PLD1: variants seen among roughly 807,000 people sequenced by gnomAD.
PLD1 encodes the protein choline phosphatase 1.
In PLD1, 112 loss-of-function variants were observed where a neutral mutation model predicts 137.1. That is an observed-to-expected ratio of 0.82 (90% confidence interval 0.70 to 0.96). The LOEUF is 0.96. Among genes scored for constraint, PLD1 ranks in the 40% least tolerant of loss-of-function variants. The pLI is 0.00. For missense variants in PLD1, 1,321 were observed against 1,342.0 expected (o/e 0.98, Z 0.24); for synonymous variants, 431 against 454.7 (o/e 0.95, Z 0.66).
At chr3:171,737,700 A>C in intron 2 of PLD1, 41 bp from the exon 3 acceptor site, 1 of 1,412,024 alleles carries the variant, frequency 7.1e-7, no homozygotes, top group South Asian at 1.3e-5. Context: ...ATATATGATT[A>C]GCATAACTTG....
intron 1 of PLD1, among the ~76,000 whole-genome samples, chr3:171,738,964 C>T (rs565622977): frequency 3.2e-4 from 48 of 152,268 alleles, no homozygotes; most frequent in Non-Finnish European, 5.9e-4. Context: ...AATGGAAGGA[C>T]GCTCATACCA....
At chr3:171,744,191 G>A (rs1719973745) in intron 1 of PLD1, among the ~76,000 whole-genome samples, 1 of 152,190 alleles carries the variant, frequency 6.6e-6, no homozygotes. Context: ...GAGGAGTACT[G>A]TCATCATTCC....
chr3:171,730,938 C>T (rs1718896138), intron 6 of PLD1, among the ~76,000 whole-genome samples: 1 of 152,144 alleles, frequency 6.6e-6, no homozygotes, highest in East Asian at 1.9e-4. Flanking sequence ...TGCGCCCAGC[C>T]CTGTCTCCAC....
intron 16 of PLD1, among the ~76,000 whole-genome samples, chr3:171,678,390 T>C (rs1713604583): frequency 6.6e-6 from 1 of 152,194 alleles, no homozygotes; most frequent in South Asian, 2.1e-4. Context: ...ATAAAAAATA[T>C]GGTAACAACA....
At chr3:171,625,602 C>G (rs1262998148) in intron 23 of PLD1, among the ~76,000 whole-genome samples, 4 of 152,220 alleles carry the variant, frequency 2.6e-5, no homozygotes, top group Admixed American at 6.5e-5. Flanking sequence ...AGGCACCCCC[C>G]CGTAGGTGCA....
At chr3:171,757,398 T>C (rs904295843) in intron 1 of PLD1, among the ~76,000 whole-genome samples, 2 of 152,148 alleles carry the variant, frequency 1.3e-5, no homozygotes, top group African/African-American at 4.8e-5. Flanking sequence ...ATTTCCTTTT[T>C]AAGACAGGGT....
intron 12 of PLD1, among the ~76,000 whole-genome samples, chr3:171,699,198 C>T (rs755075368): frequency 2.0e-5 from 3 of 152,142 alleles, no homozygotes; most frequent in East Asian, 1.9e-4. Context: ...AAAAAGCACA[C>T]ATTCAATGTT....
intron 6 of PLD1, among the ~76,000 whole-genome samples, chr3:171,731,653 T>A (rs898363960): frequency 6.6e-6 from 1 of 151,994 alleles, no homozygotes; most frequent in Non-Finnish European, 1.5e-5. Context: ...CCACCTGTAG[T>A]CCCAGCTACT....
At chr3:171,666,587 C>T (rs144227285) in intron 19 of PLD1, among the ~76,000 whole-genome samples, 79 of 152,304 alleles carry the variant, frequency 5.2e-4, no homozygotes, top group African/African-American at 1.9e-3. Flanking sequence ...TTTTCCATTG[C>T]CACTGAGATT....
chr3:171,624,441 AT>A lies in PLD1; in HGVS notation c.2594-3922del, dbSNP rs1408062972. The stretch of plus-strand genomic sequence containing the variant: ...GTGATGAAAATGCAAATTCATACAA[AT>A]TTTTTGAAGGGTCATTTAGCAATAT... On this transcript the variant is annotated intron_variant, in intron 23 of 26. Coordinates refer to ENST00000351298, the MANE Select transcript of PLD1 (RefSeq NM_002662.5). Among the ~76,000 whole-genome samples, 4 of 152,268 alleles carry A rather than the reference AT, an allele frequency of 2.6e-5. No individual in the cohort carries two copies. In the East Asian group the frequency reaches 7.7e-4, roughly 29 times the overall value.
chr3:171,680,908 T>A lies in PLD1; in HGVS notation c.1868-3214A>T, dbSNP rs149963146. ...TCTTGAACTCACTGACACAACCTTGTCAGACTCCCTGTGTCTCTACTATAA... is the reference window on the plus strand; with the variant it reads ...TCTTGAACTCACTGACACAACCTTGACAGACTCCCTGTGTCTCTACTATAA... On this transcript the variant is annotated intron_variant, in intron 16 of 26. Coordinates refer to ENST00000351298, the MANE Select transcript of PLD1 (RefSeq NM_002662.5). Among the ~76,000 whole-genome samples the A allele has an allele frequency of 1.6e-3, 240 of 152,352 alleles. 1 individual carries two copies. Among genetic ancestry groups the A allele is most frequent in the Non-Finnish European group, 2.3e-3 (159 of 68,030 alleles).
intron 1 of PLD1, among the ~76,000 whole-genome samples, chr3:171,747,587 A>T (rs923090434): frequency 1.3e-5 from 2 of 152,076 alleles, no homozygotes; most frequent in Non-Finnish European, 2.9e-5. Context: ...AGGATTCCAA[A>T]GCCCATGTTT....
At chr3:171,801,828 GT>G (rs1210163250) in intron 1 of PLD1, among the ~76,000 whole-genome samples, 1 of 152,202 alleles carries the variant, frequency 6.6e-6, no homozygotes, top group East Asian at 1.9e-4. Context: ...GGAAACAGGA[GT>G]TTCCCCAAAT....
chr3:171,694,712 C>T (rs1202470240), intron 12 of PLD1, among the ~76,000 whole-genome samples: 2 of 152,128 alleles, frequency 1.3e-5, no homozygotes, highest in Non-Finnish European at 2.9e-5. Flanking sequence ...GACATTATTA[C>T]TCATGAAGAG....
chr3:171,704,475 A>C (rs1034735772), intron 11 of PLD1, among the ~76,000 whole-genome samples: 4 of 151,872 alleles, frequency 2.6e-5, no homozygotes, highest in Admixed American at 6.5e-5. Flanking sequence ...AAAAAAAAAA[A>C]AACCTTATCT....
intron 21 of PLD1, chr3:171,654,146 C>CA (rs1164084570): frequency 2.8e-6 from 1 of 360,804 alleles, no homozygotes; most frequent in Non-Finnish European, 5.6e-6. Context: ...ACCAAAAATA[C>CA]AAAAAAATTA....
chr3:171,738,187 G>T, intron 1 of PLD1, 105 bp from the exon 2 acceptor site: 1 of 617,534 alleles, frequency 1.6e-6, no homozygotes, highest in African/African-American at 1.9e-5. Context: ...AAACAATTCA[G>T]CCTGCTCTGT....
chr3:171,671,599 A>G (rs9290424), intron 19 of PLD1, among the ~76,000 whole-genome samples: 69,409 of 151,874 alleles, frequency 0.46, 16,189 homozygotes, highest in African/African-American at 0.52. Flanking sequence ...GTGTATAAAC[A>G]TTTGGTCTCA....
chr3:171,713,315 G>A (rs1377319398), intron 9 of PLD1, among the ~76,000 whole-genome samples: 2 of 152,136 alleles, frequency 1.3e-5, no homozygotes, highest in African/African-American at 2.4e-5. Context: ...ACAAACTTTA[G>A]TCGGGGGTGG....
Sources: allele counts gnomAD v4.1 joint callset (sites outside exome capture counted in the v4.1 genomes callset), GRCh38; gene constraint gnomAD v4.1.1; transcripts MANE v1.5; gene names NCBI Gene and HGNC (gene_info 2026-07-23, HGNC 2026-07-21).